The following ROBO2 variants were observed in gnomAD, a reference collection of about 807,000 sequenced individuals.
The protein encoded by ROBO2 is roundabout homolog 2.
A neutral mutation model predicts 160.8 loss-of-function variants in ROBO2; 53 were observed. That is an observed-to-expected ratio of 0.33 (90% CI 0.26 to 0.41). The LOEUF (loss-of-function observed/expected upper bound fraction) is 0.41. ROBO2 is among the 10% of genes least tolerant of loss of function. The pLI is 1.00. For synonymous variants in ROBO2, 664 were observed against 611.7 expected (o/e 1.09, Z -1.26); for missense variants, 1,577 against 1,722.4 (o/e 0.92, Z 1.49).
intron 2 of ROBO2, among the ~76,000 whole-genome samples, chr3:76,926,257 G>A (rs1370973214): frequency 6.6e-6 from 1 of 152,108 alleles, no homozygotes; most frequent in Non-Finnish European, 1.5e-5. Flanking sequence ...TTTTTGTTAA[G>A]CATGGAGGTA....
At chr3:77,149,051 T>G (rs2150507217) in intron 2 of ROBO2, among the ~76,000 whole-genome samples, 1 of 151,322 alleles carries the variant, frequency 6.6e-6, no homozygotes, top group South Asian at 2.1e-4. Flanking sequence ...TTTTTTTTTT[T>G]TTTTGAGACA....
At chr3:76,260,238 T>C (rs1053167780) in intron 2 of ROBO2, among the ~76,000 whole-genome samples, 3 of 152,112 alleles carry the variant, frequency 2.0e-5, no homozygotes, top group African/African-American at 7.2e-5. Context: ...AGAGATGCAG[T>C]CACTTTAGTA....
intron 2 of ROBO2, among the ~76,000 whole-genome samples, chr3:77,256,518 G>C (rs376558608): frequency 6.7e-6 from 1 of 148,450 alleles, no homozygotes; most frequent in African/African-American, 2.5e-5. Flanking sequence ...ATGTGTGCAT[G>C]TGAAAACTAT....
intron 2 of ROBO2, among the ~76,000 whole-genome samples, chr3:76,388,280 T>C (rs1038088301): frequency 6.6e-6 from 1 of 151,496 alleles, no homozygotes; most frequent in African/African-American, 2.4e-5. Flanking sequence ...TTTTTTTCTT[T>C]TTTTTTTTTT....
intron 2 of ROBO2, among the ~76,000 whole-genome samples, chr3:77,342,411 C>T (rs1456503011): frequency 2.6e-5 from 4 of 152,092 alleles, no homozygotes; most frequent in African/African-American, 7.2e-5. Flanking sequence ...ACCGTCTTCT[C>T]TGGTTGGAAT....
At chr3:76,028,823 A>C (rs899491476) in intron 2 of ROBO2, among the ~76,000 whole-genome samples, 1 of 152,004 alleles carries the variant, frequency 6.6e-6, no homozygotes, top group African/African-American at 2.4e-5. Context: ...ATGATTATTA[A>C]AAATTTTTAC....
chr3:76,991,944 A>T (rs2060689043), intron 2 of ROBO2, among the ~76,000 whole-genome samples: 2 of 152,186 alleles, frequency 1.3e-5, no homozygotes, highest in South Asian at 4.1e-4. Flanking sequence ...ACTCTGGTAT[A>T]CATATGGGAC....
intron 2 of ROBO2, among the ~76,000 whole-genome samples, chr3:76,596,557 A>G (rs911954246): frequency 1.3e-5 from 2 of 152,134 alleles, no homozygotes; most frequent in Non-Finnish European, 2.9e-5. Context: ...TGTTAAATGT[A>G]GGTGGCAATC....
At chr3:76,137,854 A>G (rs2071488466) in intron 2 of ROBO2, among the ~76,000 whole-genome samples, 1 of 151,894 alleles carries the variant, frequency 6.6e-6, no homozygotes, top group Non-Finnish European at 1.5e-5. Context: ...TTTCTAACCA[A>G]ACCCACAAAG....
chr3:76,175,574 A>G (rs542859157), intron 2 of ROBO2, among the ~76,000 whole-genome samples: 2 of 152,208 alleles, frequency 1.3e-5, no homozygotes, highest in East Asian at 1.9e-4. Context: ...AAAGATGGTC[A>G]AAATTTTTTT....
chr3:76,047,554 C>G (rs1015706010), intron 2 of ROBO2, among the ~76,000 whole-genome samples: 4 of 152,226 alleles, frequency 2.6e-5, no homozygotes, highest in Non-Finnish European at 2.9e-5. Context: ...GATCTCTGGT[C>G]TGCTTTGTCA....
intron 2 of ROBO2, among the ~76,000 whole-genome samples, chr3:76,385,145 C>T (rs1483373026): frequency 6.6e-6 from 1 of 152,056 alleles, no homozygotes; most frequent in South Asian, 2.1e-4. Context: ...CAGGCATGCA[C>T]CACCATGTCT....
intron 2 of ROBO2, among the ~76,000 whole-genome samples, chr3:77,165,405 A>C (rs1490967392): frequency 6.7e-5 from 10 of 148,622 alleles, no homozygotes; most frequent in African/African-American, 2.2e-4. Flanking sequence ...ATCTCAAGTA[A>C]TCAGGGACAC....
chr3:75,947,988 G>A (rs1948383243), intron 2 of ROBO2, among the ~76,000 whole-genome samples: 1 of 151,996 alleles, frequency 6.6e-6, no homozygotes, highest in East Asian at 1.9e-4. Flanking sequence ...CACATCTGAT[G>A]GGAAAAAATC....
chr3:76,194,352 A>G (rs199497779), intron 2 of ROBO2, among the ~76,000 whole-genome samples: 39 of 104,138 alleles, frequency 3.7e-4, no homozygotes, highest in African/African-American at 5.7e-4. Context: ...TATGGTGTGT[A>G]AATATATATA....
At chr3:77,178,904 G>A (rs1218116260) in intron 2 of ROBO2, among the ~76,000 whole-genome samples, 1 of 151,954 alleles carries the variant, frequency 6.6e-6, no homozygotes. Flanking sequence ...TGTGGTTTCA[G>A]CATTAGTCTT....
intron 2 of ROBO2, among the ~76,000 whole-genome samples, chr3:76,096,026 T>C (rs571650008): frequency 3.3e-5 from 5 of 152,232 alleles, no homozygotes; most frequent in Admixed American, 3.3e-4. Flanking sequence ...CCTCATAAGG[T>C]ATAACATAAC....
chr3:77,544,744 G>T (rs1422020855), intron 6 of ROBO2, among the ~76,000 whole-genome samples: 2 of 152,054 alleles, frequency 1.3e-5, no homozygotes, highest in African/African-American at 4.8e-5. Flanking sequence ...GTGCCACTAG[G>T]TTCTAAAAAT....
intron 2 of ROBO2, among the ~76,000 whole-genome samples, chr3:76,780,235 T>C (rs1031221861): frequency 1.3e-5 from 2 of 150,458 alleles, no homozygotes; most frequent in Non-Finnish European, 3.0e-5. Context: ...TGTCTATTCA[T>C]GTTCTTCGCC....
Sources: allele counts gnomAD v4.1 joint callset (sites outside exome capture counted in the v4.1 genomes callset), GRCh38; gene constraint gnomAD v4.1.1; transcripts MANE v1.5; gene names NCBI Gene and HGNC (gene_info 2026-07-23, HGNC 2026-07-21).